The following CDC25C variants were observed in gnomAD, a reference collection of about 807,000 sequenced individuals.
CDC25C encodes cell division cycle 25C.
A neutral mutation model predicts 52.5 loss-of-function variants in CDC25C; 48 were observed. That is an observed-to-expected ratio of 0.91 (90% CI 0.72 to 1.16). The LOEUF is 1.16. CDC25C is among the 50% of genes most tolerant of loss of function. The pLI is 0.00. For synonymous variants in CDC25C, 187 were observed against 206.5 expected (o/e 0.91, Z 0.81); for missense variants, 510 against 566.1 (o/e 0.90, Z 1.01).
chr5:138,287,412 A>T (rs1490689711), intron 10 of CDC25C, 145 bp from the exon 11 acceptor site: 2 of 583,376 alleles, frequency 3.4e-6, no homozygotes, highest in African/African-American at 3.7e-5. Context: ...ATATGTGGCA[A>T]TGATTCAGCC....
Position 138,331,122 on chromosome 5 carries a change from C to A in CDC25C, c.59G>T (p.Ser20Ile). The A allele has an allele frequency of 6.2e-7, 1 of 1,614,078 alleles. No individual in the cohort carries two copies. Among genetic ancestry groups the A allele is most frequent in the Non-Finnish European group, 8.5e-7 (1 of 1,179,902 alleles). The change falls in exon 2 of 14, where the codon AGT becomes ATT. Residue 20 changes from serine (S) to isoleucine (I), a missense_variant. Coordinates refer to ENST00000323760, the MANE Select transcript of CDC25C (RefSeq NM_001790.5). Reference sequence around the variant, plus strand: ...CATTTTCCTTTGATTAGACCTAAAACTGGGTCCTGAGCCAGAGCTTCCTTC... The same window carrying A: ...CATTTTCCTTTGATTAGACCTAAAAATGGGTCCTGAGCCAGAGCTTCCTTC... Reference protein sequence around the residue: ...REEGSSGSGPSFRSNQRKMLN... With the variant: ...REEGSSGSGPIFRSNQRKMLN...
intron 7 of CDC25C, among the ~76,000 whole-genome samples, chr5:138,315,650 C>G (rs1433982386): frequency 6.6e-6 from 1 of 152,190 alleles, no homozygotes; most frequent in Admixed American, 6.5e-5. Context: ...TTATTTACAA[C>G]AAGCCTATTA....
rs1756191307 is a variant in CDC25C, at chr5:138,286,057, T to C, written c.1237A>G (p.Lys413Glu). The C allele has an allele frequency of 6.2e-7, 1 of 1,613,986 alleles. No individual in the cohort carries two copies. Among genetic ancestry groups the C allele is most frequent in the Non-Finnish European group, 8.5e-7 (1 of 1,179,864 alleles). Residue 413 changes from lysine (K) to glutamate (E), a missense_variant, in exon 13 of 14, where the codon AAA (lysine) becomes GAA (glutamate). Lys to Glu is a moderately conservative substitution (Grantham distance 56). Transcript: ENST00000323760. Reference sequence around the variant, plus strand: ...GGAAAGAAGTCTCTGTAGCCGCCTTTAAGGATATATAGCTCTGGGTAGTAC... The same window carrying C: ...GGAAAGAAGTCTCTGTAGCCGCCTTCAAGGATATATAGCTCTGGGTAGTAC... ...ALYYPELYIL[K>E]GGYRDFFPEY...
chr5:138,325,724 T>C, intron 6 of CDC25C, 91 bp downstream of exon 6: 1 of 851,960 alleles, frequency 1.2e-6, no homozygotes, highest in Non-Finnish European at 1.9e-6. Flanking sequence ...GCATACGAGG[T>C]ATAAACAGTT....
At chr5:138,322,368 C>T (rs1325610943) in intron 6 of CDC25C, among the ~76,000 whole-genome samples, 3 of 151,418 alleles carry the variant, frequency 2.0e-5, no homozygotes, top group African/African-American at 4.8e-5. Flanking sequence ...GGTGCAGTCT[C>T]GGCTTACTGA....
At position 138,329,646 on chromosome 5, in the gene CDC25C, C is replaced by T. The variant is rs1377397505; in HGVS notation, c.196G>A (p.Gly66Arg). Residue 66 changes from glycine (G) to arginine (R), a missense_variant and splice_region_variant, in exon 3 of 14, where the codon GGA becomes AGA. Transcript: ENST00000323760. Reference sequence around the variant, plus strand: ...AGATCGAGGCAACGTTTTGGGGTTCCTCTGTTGAGACATAATAGTACATCG... The same window carrying T: ...AGATCGAGGCAACGTTTTGGGGTTCTTCTGTTGAGACATAATAGTACATCG... ...DSANLSILSG[G>R]TPKRCLDLSN... The T allele has an allele frequency of 1.2e-5, 19 of 1,589,068 alleles. No homozygotes were observed. The South Asian group carries it at 2.1e-4, about 18-fold the overall frequency.
At chr5:138,287,676 A>G (rs962327651) in intron 10 of CDC25C, among the ~76,000 whole-genome samples, 2 of 152,214 alleles carry the variant, frequency 1.3e-5, no homozygotes, top group Non-Finnish European at 2.9e-5. Flanking sequence ...AGGAAAGGAT[A>G]TGGAAGGGAA....
chr5:138,313,983 C>T (rs1193092544), intron 7 of CDC25C, among the ~76,000 whole-genome samples: 1 of 100,396 alleles, frequency 1.0e-5, no homozygotes, highest in African/African-American at 3.3e-5. Context: ...TTCTTTCTTT[C>T]TTTCTTTCTT....
intron 7 of CDC25C, among the ~76,000 whole-genome samples, chr5:138,306,972 T>C (rs540670455): frequency 3.3e-5 from 5 of 151,746 alleles, no homozygotes; most frequent in South Asian, 2.1e-4. Flanking sequence ...GGCTCTTTAG[T>C]AGCTGGGATT....
chr5:138,302,289 G>T (rs1757689061), intron 7 of CDC25C, among the ~76,000 whole-genome samples: 2 of 151,956 alleles, frequency 1.3e-5, no homozygotes, highest in African/African-American at 4.8e-5. Flanking sequence ...GAGCCACCGT[G>T]CTCGGCCGAT....
intron 7 of CDC25C, among the ~76,000 whole-genome samples, chr5:138,313,475 C>G (rs1758614515): frequency 6.7e-6 from 1 of 150,214 alleles, no homozygotes; most frequent in African/African-American, 2.5e-5. Flanking sequence ...AATGAAGGCA[C>G]TTAATACCAC....
chr5:138,313,670 C>T (rs1380331125), intron 7 of CDC25C, among the ~76,000 whole-genome samples: 2 of 152,124 alleles, frequency 1.3e-5, no homozygotes, highest in African/African-American at 4.8e-5. Context: ...GTGGCTACTG[C>T]TCTTTCTTCC....
In CDC25C at chr5:138,328,661, C is replaced by T. The variant is rs572654350; in HGVS notation, c.290-132G>A. 5 of 705,504 alleles carry T rather than the reference C, an allele frequency of 7.1e-6. No homozygotes were observed. The African/African-American group carries it at 8.9e-5, about 13-fold the overall frequency. 43.7% of individuals were successfully genotyped at this position (705,504 alleles called of 1,614,324 possible). A position where few individuals can be genotyped will look rare whatever the true frequency, so the allele number is the denominator to read the frequency against. ...CTGAGCTTTTGAATACAAAGCCTCT[C>T]GATTGGTACCCATTTCATGGTACAA... On this transcript the variant is annotated intron_variant, in intron 3 of 13. Coordinates refer to ENST00000323760, the MANE Select transcript of CDC25C (RefSeq NM_001790.5).
intron 7 of CDC25C, among the ~76,000 whole-genome samples, chr5:138,312,988 T>C (rs1336826547): frequency 6.6e-6 from 1 of 151,878 alleles, no homozygotes; most frequent in African/African-American, 2.4e-5. Context: ...ATGAGGTACC[T>C]AGAGCAAACT....
At chr5:138,298,023 G>A (rs1227697561) in intron 7 of CDC25C, among the ~76,000 whole-genome samples, 1 of 151,236 alleles carries the variant, frequency 6.6e-6, no homozygotes, top group Admixed American at 6.6e-5. Context: ...TCTTGAGACA[G>A]GGTCTCACTC....
rs1756253004 is a variant in CDC25C at position 138,286,555 on chromosome 5, G to C, written c.1102C>G (p.Gln368Glu). 1 of 1,614,016 alleles carries C rather than the reference G, an allele frequency of 6.2e-7. No individual in the cohort carries two copies. Among genetic ancestry groups the C allele is most frequent in the African/African-American group, 1.3e-5 (1 of 75,044 alleles). ...LKKPIVPLDT[Q>E]KRIIIVFHCE... ...TGGAACACGATGATTATTCTCTTCT[G>C]GGTGTCCAAAGGGACGATGGGCTTC... The change falls in exon 12 of 14, where the codon CAG (glutamine) becomes GAG (glutamate). Residue 368 changes from glutamine to glutamate, a missense_variant. Coordinates refer to ENST00000323760, the MANE Select transcript of CDC25C (RefSeq NM_001790.5).
rs61078354 is a variant in CDC25C at position 138,295,342 on chromosome 5, A to G, written c.616-3226T>C. ...AGCTACTTCAGCGGCCAGGCATGGT[A>G]GCTCACACCTGTAATCCCAACACTT... is the stretch of plus-strand genomic sequence containing the variant. On this transcript the variant is annotated intron_variant, in intron 7 of 13. Transcript: ENST00000323760. Among the ~76,000 whole-genome samples, 524 of 152,274 alleles carry G rather than the reference A, an allele frequency of 3.4e-3. 18 individuals are homozygous for G. In the East Asian group the frequency reaches 0.05, roughly 14 times the overall value.
At chr5:138,326,089 C>G in intron 4 of CDC25C, 35 bp from the exon 5 acceptor site, 4 of 1,611,436 alleles carry the variant, frequency 2.5e-6, no homozygotes, top group Non-Finnish European at 3.4e-6. Context: ...TCAGGTTAGT[C>G]CCAAATACTG....
At chr5:138,314,354 G>A (rs1017285136) in intron 7 of CDC25C, among the ~76,000 whole-genome samples, 4 of 150,928 alleles carry the variant, frequency 2.7e-5, no homozygotes, top group African/African-American at 4.9e-5. Context: ...AGAGTGCAAC[G>A]GTGTGATCTT....
Sources: gnomAD v4.1 joint callset for allele counts (sites outside exome capture counted in the v4.1 genomes callset) on GRCh38, gnomAD v4.1.1 for gene constraint, MANE v1.5 for transcripts, NCBI Gene and HGNC (gene_info 2026-07-23, HGNC 2026-07-21) for gene names.